Variants in KDM2B observed in about 807,000 individuals in gnomAD.
KDM2B encodes lysine-specific demethylase 2B.
A neutral mutation model predicts 150.0 loss-of-function variants in KDM2B; 26 were observed. That is an observed-to-expected ratio of 0.17 (90% CI 0.13 to 0.24). KDM2B has a LOEUF of 0.24. KDM2B is among the 10% of genes least tolerant of loss of function. KDM2B has a pLI of 1.00. For missense variants in KDM2B, 1,265 were observed against 1,816.9 expected (o/e 0.70, Z 5.52); for synonymous variants, 734 against 729.5 (o/e 1.01, Z -0.10).
intron 13 of KDM2B, among the ~76,000 whole-genome samples, chr12:121,451,339 G>C (rs1325116471): frequency 2.0e-5 from 3 of 152,108 alleles, no homozygotes; most frequent in African/African-American, 7.2e-5. Context: ...TATAAGATAT[G>C]TGTTAATGGA....
At chr12:121,543,131 G>T (rs1246564694) in intron 6 of KDM2B, among the ~76,000 whole-genome samples, 1 of 152,154 alleles carries the variant, frequency 6.6e-6, no homozygotes, top group Non-Finnish European at 1.5e-5. Flanking sequence ...GAGGCGGGTA[G>T]ATCACTTGAG....
At chr12:121,482,598 C>T (rs1273374277) in intron 12 of KDM2B, among the ~76,000 whole-genome samples, 1 of 152,186 alleles carries the variant, frequency 6.6e-6, no homozygotes, top group Non-Finnish European at 1.5e-5. Flanking sequence ...CCGCACCCAG[C>T]CTTCTTAGTA....
chr12:121,486,920 C>T (rs186305800), intron 12 of KDM2B, among the ~76,000 whole-genome samples: 2 of 152,270 alleles, frequency 1.3e-5, no homozygotes. Context: ...CTACAGTGAA[C>T]TATGATTGAG....
intron 1 of KDM2B, among the ~76,000 whole-genome samples, chr12:121,579,293 G>A (rs969169211): frequency 2.0e-5 from 3 of 152,220 alleles, no homozygotes; most frequent in Non-Finnish European, 2.9e-5. Flanking sequence ...AGGGGGCTCC[G>A]GACACGGGCT....
intron 9 of KDM2B, among the ~76,000 whole-genome samples, chr12:121,515,054 C>CT (rs1434132794): frequency 1.0e-3 from 3 of 2,948 alleles, no homozygotes; most frequent in South Asian, 8.5e-3. Context: ...TCCCCACCCC[C>CT]AATCACACTC....
chr12:121,469,229 A>AC (rs1880470034), intron 12 of KDM2B: 2 of 151,552 alleles, frequency 1.3e-5, no homozygotes, highest in African/African-American at 4.9e-5. Flanking sequence ...AATCTTCTCA[A>AC]AGTTGCAACA....
chr12:121,474,051 C>T (rs373099255), intron 12 of KDM2B, among the ~76,000 whole-genome samples: 7 of 152,116 alleles, frequency 4.6e-5, no homozygotes, highest in African/African-American at 1.7e-4. Context: ...AGACAGAAAG[C>T]AGATTAGCGG....
chr12:121,469,617 CAAAA>C (rs76047421), intron 12 of KDM2B: 8 of 129,384 alleles, frequency 6.2e-5, no homozygotes, highest in African/African-American at 8.7e-5. Flanking sequence ...GACTCCATCT[CAAAA>C]AAAAAAAAAA....
intron 4 of KDM2B, among the ~76,000 whole-genome samples, chr12:121,562,645 C>T (rs1353389039): frequency 6.9e-6 from 1 of 145,692 alleles, no homozygotes; most frequent in Non-Finnish European, 1.5e-5. Flanking sequence ...GGGAAGAAAG[C>T]ATGGAGGAGG....
At chr12:121,420,744 G>C in the KDM2B span, 3 of 1,613,840 alleles carry the variant, frequency 1.9e-6, no homozygotes, top group Admixed American at 3.3e-5. Flanking sequence ...AAGTAAACCG[G>C]TTATACAAAG....
At chr12:121,532,352 A>G (rs1243519171) in intron 8 of KDM2B, among the ~76,000 whole-genome samples, 1 of 152,194 alleles carries the variant, frequency 6.6e-6, no homozygotes, top group Non-Finnish European at 1.5e-5. Context: ...GAACTCACTC[A>G]GCCCTCATGA....
chr12:121,425,223 G>A (rs1872453858), downstream of KDM2B, among the ~76,000 whole-genome samples: 1 of 150,670 alleles, frequency 6.6e-6, no homozygotes, highest in African/African-American at 2.4e-5. Context: ...CAGGAGAATC[G>A]CCTGAAACTG....
chr12:121,510,137 G>T, intron 10 of KDM2B, 98 bp from the exon 11 acceptor site: 1 of 1,054,488 alleles, frequency 9.5e-7, no homozygotes, highest in Non-Finnish European at 1.4e-6. Context: ...TTACTCCAGA[G>T]ATCCAGCTTC....
intron 12 of KDM2B, among the ~76,000 whole-genome samples, chr12:121,465,089 A>G (rs1555294509): frequency 6.6e-6 from 1 of 152,162 alleles, no homozygotes; most frequent in Non-Finnish European, 1.5e-5. Flanking sequence ...TGAGTGGGAA[A>G]AAAAAATCAT....
chr12:121,441,373 C>T (rs1288869690), intron 19 of KDM2B, 140 bp from the exon 20 acceptor site: 3 of 725,674 alleles, frequency 4.1e-6, no homozygotes, highest in Non-Finnish European at 6.6e-6. Flanking sequence ...CTATGTAGCA[C>T]CTATCCTGCC....
At chr12:121,511,553 T>G (rs961061522) in intron 10 of KDM2B, among the ~76,000 whole-genome samples, 13 of 152,192 alleles carry the variant, frequency 8.5e-5, no homozygotes, top group African/African-American at 3.1e-4. Flanking sequence ...CCCAAAGTGC[T>G]GGGATTACAG....
intron 12 of KDM2B, among the ~76,000 whole-genome samples, chr12:121,474,325 A>T (rs1275917235): frequency 6.6e-6 from 1 of 151,962 alleles, no homozygotes; most frequent in African/African-American, 2.4e-5. Flanking sequence ...CATCCTGGTG[A>T]ACACTGTGAA....
chr12:121,418,093 C>G, the KDM2B span: 2 of 654,684 alleles, frequency 3.1e-6, no homozygotes, highest in Admixed American at 3.1e-5. Context: ...TGCTGAGGTG[C>G]TAGGTGGCTC....
At chr12:121,535,465 T>C (rs563075490) in intron 6 of KDM2B, among the ~76,000 whole-genome samples, 1 of 152,276 alleles carries the variant, frequency 6.6e-6, no homozygotes, top group East Asian at 1.9e-4. Flanking sequence ...TCTGGGGTGA[T>C]GAAAATGTTC....
Sources: allele counts gnomAD v4.1 joint callset (sites outside exome capture counted in the v4.1 genomes callset), GRCh38; gene constraint gnomAD v4.1.1; transcripts MANE v1.5; gene names NCBI Gene and HGNC (gene_info 2026-07-23, HGNC 2026-07-21).